ZBTB41: variants seen among roughly 807,000 people sequenced by gnomAD.
The protein encoded by ZBTB41 is zinc finger and BTB domain containing 41, also known as zinc finger and BTB domain-containing protein 41.
ZBTB41 carries 42 observed loss-of-function variants against 87.6 expected under a neutral mutation model. The observed-to-expected ratio is 0.48, with a 90% confidence interval of 0.37 to 0.62. The LOEUF (loss-of-function observed/expected upper bound fraction) is 0.62. Ranked by LOEUF, ZBTB41 falls within the 20% of genes least tolerant of loss-of-function variation. The pLI, the probability that ZBTB41 is intolerant of heterozygous loss-of-function variation, is 0.00. For missense variants in ZBTB41, 799 were observed against 1,078.9 expected, an observed-to-expected ratio of 0.74 and a Z score of 3.63; for synonymous variants, 364 against 364.0, an observed-to-expected ratio of 1.00 and a Z score of 0.00.
At chr1:197,165,135 A>G (rs1457475101) in intron 10 of ZBTB41, among the ~76,000 whole-genome samples, 1 of 151,238 alleles carries the variant, frequency 6.6e-6, no homozygotes, top group African/African-American at 2.4e-5. Flanking sequence ...TTTGAATGGA[A>G]TATCTTCTCT....
At chr1:197,177,706 C>CCT (rs1487021682) in intron 7 of ZBTB41, among the ~76,000 whole-genome samples, 1 of 151,890 alleles carries the variant, frequency 6.6e-6, no homozygotes, top group African/African-American at 2.4e-5. Flanking sequence ...ATCTCCAGAG[C>CCT]CTCTCTCTCT....
chr1:197,191,337 G>A (rs1660026544), intron 3 of ZBTB41, among the ~76,000 whole-genome samples: 1 of 151,230 alleles, frequency 6.6e-6, no homozygotes, highest in African/African-American at 2.4e-5. Context: ...CACGCCTGTA[G>A]TTCCAGCTAC....
chr1:197,168,733 C>G (rs972425121), intron 10 of ZBTB41, among the ~76,000 whole-genome samples: 2 of 151,798 alleles, frequency 1.3e-5, no homozygotes, highest in African/African-American at 4.8e-5. Context: ...CACAAAAGAA[C>G]TATAAAGAAA....
In ZBTB41 at chr1:197,191,801, G is replaced by T; in HGVS notation, c.1219C>A (p.His407Asn). The change falls in exon 3 of 11, where the codon CAC (histidine) becomes AAC (asparagine). Residue 407 changes from histidine (H) to asparagine (N), a missense_variant. His to Asn is a moderately conservative substitution (Grantham distance 68). Transcript: ENST00000367405. ...RYSTKSNLTV[H>N]RKKHSNETEF... is the part of the protein sequence containing the mutation. ...GTTTCATTACTGTGCTTCTTTCTGT[G>T]AACAGTTAGGTTAGACTTTGTTGAA... The T allele has an allele frequency of 1.2e-6, 2 of 1,613,704 alleles. No homozygotes were observed. The highest frequency in any genetic ancestry group is 4.5e-5 in the East Asian group (2 of 44,842).
chr1:197,172,159 C>T lies in ZBTB41; in HGVS notation c.2074+1G>A. 1 of 1,376,536 alleles carries T rather than the reference C, an allele frequency of 7.3e-7. No homozygotes were observed. The allele number at this position is 1,376,536 out of a possible 1,614,324, so 85.3% of individuals were successfully genotyped here. ...TCTATGAACCACTCATTAAATTTTA[C>T]CTGAATGCGTTCGAAAATGCATTTC... On this transcript the variant is annotated splice_donor_variant, in intron 10 of 10. Transcript: ENST00000367405. LOFTEE classifies it high-confidence loss of function.
intron 5 of ZBTB41, 29 bp downstream of exon 5, chr1:197,188,263 A>G (rs1659933957): frequency 1.2e-6 from 2 of 1,609,320 alleles, no homozygotes; most frequent in Non-Finnish European, 1.7e-6. Flanking sequence ...AATTGTCATG[A>G]CTGCCTTAAG....
In ZBTB41 at chr1:197,178,707, C is replaced by CA. The variant is rs549389214; in HGVS notation, c.1677-196dup. On this transcript the variant is annotated intron_variant, in intron 6 of 10. Coordinates refer to ENST00000367405, the MANE Select transcript of ZBTB41 (RefSeq NM_194314.3). ...TGTTATAGCTCTCTCTCCTTAAAAA[C>CA]AAAAAATACTTCGGCCTCATTTGCC... Among the ~76,000 whole-genome samples, 384 of 152,148 alleles carry CA rather than the reference C, an allele frequency of 2.5e-3. 3 individuals are homozygous for CA. The highest frequency in any genetic ancestry group is 0.01 in the Middle Eastern group (3 of 294).
At chr1:197,179,004 T>C (rs1413721776) in intron 6 of ZBTB41, among the ~76,000 whole-genome samples, 1 of 152,166 alleles carries the variant, frequency 6.6e-6, no homozygotes, top group Non-Finnish European at 1.5e-5. Flanking sequence ...AATGTAATTA[T>C]TGCTATTCCT....
chr1:197,193,057 T>C (rs932435186), intron 2 of ZBTB41, among the ~76,000 whole-genome samples: 11 of 152,170 alleles, frequency 7.2e-5, no homozygotes, highest in African/African-American at 2.4e-4. Flanking sequence ...GTGTAGAACA[T>C]AGTAATGGTA....
chr1:197,199,015 G>A (rs1660232702), intron 2 of ZBTB41, among the ~76,000 whole-genome samples: 2 of 152,026 alleles, frequency 1.3e-5, no homozygotes, highest in Admixed American at 6.6e-5. Context: ...TTTTTAATGA[G>A]TTAAAAATAG....
In ZBTB41 at chr1:197,155,079, T is replaced by C. The variant is rs1246097427; in HGVS notation, c.*4280A>G. ...CATTCAGTGCAGGGCTGTGTAGTTATGGTTACTGGTTATTTAAAAGACAGA... is the reference window on the plus strand; with the variant it reads ...CATTCAGTGCAGGGCTGTGTAGTTACGGTTACTGGTTATTTAAAAGACAGA... On this transcript the variant is annotated 3_prime_UTR_variant, in exon 11 of 11. Transcript: ENST00000367405. 7 of 152,378 alleles carry C rather than the reference T, an allele frequency of 4.6e-5. No homozygotes were observed. The highest frequency in any genetic ancestry group is 1.7e-4 in the African/African-American group (7 of 41,418). The allele number at this position is 152,378 out of a possible 1,614,324, so 9.4% of individuals were successfully genotyped here. A position where few individuals can be genotyped will look rare whatever the true frequency, so the allele number is the denominator to read the frequency against.
At position 197,188,255 on chromosome 1, in the gene ZBTB41, T is replaced by C. The variant is rs115090802; in HGVS notation, c.1546+37A>G. ...CTCCAGCATGATGTGATAATTAAAA[T>C]TGTCATGACTGCCTTAAGAAAAAGT... On this transcript the variant is annotated intron_variant, in intron 5 of 10. Coordinates refer to ENST00000367405, the MANE Select transcript of ZBTB41 (RefSeq NM_194314.3). 6.1e-3 allele frequency: 9,709 copies of C among 1,604,706 alleles called. 49 individuals are homozygous for C. Among genetic ancestry groups the C allele is most frequent in the Non-Finnish European group, 7.6e-3 (8,907 of 1,177,274 alleles).
chr1:197,176,545 A>G lies in ZBTB41; in HGVS notation c.1879+19T>C, dbSNP rs1335469264. ...ATTTAAAAAGGATTTTCGAACTAGC[A>G]TTACAAAATATGGTATACCTGAATG... On this transcript the variant is annotated intron_variant, in intron 8 of 10. Coordinates refer to ENST00000367405, the MANE Select transcript of ZBTB41 (RefSeq NM_194314.3). 1 of 1,551,786 alleles carries G rather than the reference A, an allele frequency of 6.4e-7. No individual in the cohort carries two copies.
At chr1:197,193,178 G>A (rs915067527) in intron 2 of ZBTB41, among the ~76,000 whole-genome samples, 12 of 152,132 alleles carry the variant, frequency 7.9e-5, no homozygotes, top group Admixed American at 2.0e-4. Flanking sequence ...CTTTACTTGC[G>A]TTAGTAACAC....
At chr1:197,168,115 C>G (rs769038001) in intron 10 of ZBTB41, among the ~76,000 whole-genome samples, 6 of 151,350 alleles carry the variant, frequency 4.0e-5, no homozygotes, top group Non-Finnish European at 5.9e-5. Context: ...TTCCTGTATA[C>G]CAGAAACAAA....
At chr1:197,172,690 T>C (rs1659510271) in intron 9 of ZBTB41, among the ~76,000 whole-genome samples, 1 of 152,082 alleles carries the variant, frequency 6.6e-6, no homozygotes, top group South Asian at 2.1e-4. Context: ...ATTGTGGTGA[T>C]GATTACATGA....
Position 197,200,045 on chromosome 1 carries a change from A to C in ZBTB41, c.429T>G (p.Leu143=), listed in dbSNP as rs370550732. The change falls in exon 2 of 11, where the codon CTT becomes CTG. Residue 143 remains leucine (L), a synonymous_variant. Transcript: ENST00000367405. ...TGTACACAAAAAATTCTGATGTGTA[A>C]AGAAATTCAAGCAAATGCTGAAAAA... ...HSVFQHLLEF[L]YTSEFFVYKY... The C allele has an allele frequency of 5.0e-6, 8 of 1,613,032 alleles. No homozygotes were observed. The highest frequency in any genetic ancestry group is 2.2e-5 in the East Asian group (1 of 44,870).
chr1:197,155,306 C>T lies in ZBTB41; in HGVS notation c.*4053G>A, dbSNP rs1433069929. On this transcript the variant is annotated 3_prime_UTR_variant, in exon 11 of 11. Coordinates refer to ENST00000367405, the MANE Select transcript of ZBTB41 (RefSeq NM_194314.3). The stretch of plus-strand genomic sequence containing the variant: ...CCAATTTGCCTATATAAACATAAAG[C>T]AACCTAAAAAAAAAAAGTTGCCCAA... 1 of 150,716 alleles carries T rather than the reference C, an allele frequency of 6.6e-6. No individual in the cohort carries two copies. Among genetic ancestry groups the T allele is most frequent in the Non-Finnish European group, 1.5e-5 (1 of 67,454 alleles). 9.3% of individuals were successfully genotyped at this position (150,716 alleles called of 1,614,324 possible). A position where few individuals can be genotyped will look rare whatever the true frequency, so the allele number is the denominator to read the frequency against.
intron 10 of ZBTB41, among the ~76,000 whole-genome samples, chr1:197,167,756 A>G (rs1316492482): frequency 1.3e-5 from 2 of 152,198 alleles, no homozygotes; most frequent in African/African-American, 4.8e-5. Flanking sequence ...TTATCTGACT[A>G]TCTACAAAAA....
Sources: allele counts gnomAD v4.1 joint callset (sites outside exome capture counted in the v4.1 genomes callset), GRCh38; gene constraint gnomAD v4.1.1; transcripts MANE v1.5; gene names NCBI Gene and HGNC (gene_info 2026-07-23, HGNC 2026-07-21).